Variants in ZNF385A observed in about 807,000 individuals in gnomAD.
ZNF385A encodes the protein hematopoietic zinc finger protein.
ZNF385A carries 14 observed loss-of-function variants against 32.1 expected under a neutral mutation model. The ratio of observed to expected loss-of-function variants is 0.44; its 90% CI spans 0.29 to 0.68. ZNF385A has a LOEUF of 0.68. Ranked by LOEUF, ZNF385A falls within the 30% of genes least tolerant of loss-of-function variation. The pLI is 0.14. For synonymous variants in ZNF385A, 197 were observed against 202.7 expected, an observed-to-expected ratio of 0.97 and a Z score of 0.24; for missense variants, 406 against 478.4, an observed-to-expected ratio of 0.85 and a Z score of 1.41.
At position 54,390,982 on chromosome 12, in the gene ZNF385A, G is replaced by A. The variant is rs543608348; in HGVS notation, c.10+253C>T. Reference sequence around the variant, plus strand: ...TGAATACGCAATGTTCTAATTATGGGGCGGGGGTCTCACTCCGCTCTGCCT... The same window carrying A: ...TGAATACGCAATGTTCTAATTATGGAGCGGGGGTCTCACTCCGCTCTGCCT... On this transcript the variant is annotated intron_variant, in intron 1 of 7. Transcript: ENST00000338010. 3.9e-5 allele frequency among the ~76,000 whole-genome samples: 6 copies of A among 152,220 alleles called. No individual in the cohort carries two copies. The South Asian group carries it at 1.0e-3, about 26-fold the overall frequency.
chr12:54,389,993 C>G (rs1007556213), intron 1 of ZNF385A, among the ~76,000 whole-genome samples: 2 of 151,924 alleles, frequency 1.3e-5, no homozygotes, highest in African/African-American at 4.8e-5. Flanking sequence ...GGAGGAAGGG[C>G]AGAAGGACAA....
chr12:54,385,663 C>T (rs551962635), upstream of ZNF385A: 2 of 985,528 alleles, frequency 2.0e-6, no homozygotes, highest in Non-Finnish European at 2.4e-6. Context: ...GACACCACCC[C>T]CTTTCATACC....
intron 1 of ZNF385A, chr12:54,379,122 G>A (rs1167695198): frequency 6.1e-6 from 6 of 981,580 alleles, no homozygotes; most frequent in Middle Eastern, 5.2e-4. Flanking sequence ...CCCGGGCTGG[G>A]GGGCCGCGCC....
chr12:54,382,787 A>T (rs1955260644), intron 1 of ZNF385A, among the ~76,000 whole-genome samples: 2 of 152,164 alleles, frequency 1.3e-5, no homozygotes, highest in Non-Finnish European at 2.9e-5. Context: ...TATCTGTAGA[A>T]CATTTTGGGC....
At chr12:54,386,173 G>GACACACACACACAC (rs57780822), upstream of ZNF385A, among the ~76,000 whole-genome samples, 33 of 138,126 alleles carry the variant, frequency 2.4e-4, no homozygotes, top group African/African-American at 8.8e-4. Context: ...GTGGAGAGAG[G>GACACACACACACAC]ACACACACAC....
intron 1 of ZNF385A, chr12:54,391,189 A>G: frequency 6.8e-7 from 1 of 1,471,858 alleles, no homozygotes. Context: ...TGACCCACAG[A>G]GAGGAACCCA....
intron 1 of ZNF385A, among the ~76,000 whole-genome samples, chr12:54,376,892 G>A (rs1457377164): frequency 6.6e-6 from 1 of 152,370 alleles, no homozygotes; most frequent in Non-Finnish European, 1.5e-5. Flanking sequence ...CAGCTAGGGA[G>A]AGGAAAGCCT....
Position 54,370,835 on chromosome 12 carries a change from C to T in ZNF385A, c.774+92G>A. ...CCCATCTGGCCCCCTGGGGAAAACT[C>T]TGAAGAAGGGCCTTTACTCAAGCTC... On this transcript the variant is annotated intron_variant, in intron 5 of 6. Coordinates refer to ENST00000394313, the MANE Select transcript of ZNF385A (RefSeq NM_015481.3). This position sits in a 1 kb window ranked among gnomAD's most constrained non-coding sequence, Gnocchi z 5.5. 1 of 1,604,258 alleles carries T rather than the reference C, an allele frequency of 6.2e-7. No homozygotes were observed. The highest frequency in any genetic ancestry group is 8.5e-7 in the Non-Finnish European group (1 of 1,175,002).
At chr12:54,391,065 G>A (rs1286695630) in intron 1 of ZNF385A, among the ~76,000 whole-genome samples, 2 of 152,192 alleles carry the variant, frequency 1.3e-5, no homozygotes, top group African/African-American at 4.8e-5. Context: ...AAGAGGGGAA[G>A]AGGGGAAGAG....
At chr12:54,378,874 G>A (rs1954978237) in intron 1 of ZNF385A, among the ~76,000 whole-genome samples, 1 of 152,152 alleles carries the variant, frequency 6.6e-6, no homozygotes, top group Non-Finnish European at 1.5e-5. Context: ...CAGTGTGGTG[G>A]CAGTAGTCTG....
At chr12:54,372,967 A>AG (rs1309927668) in intron 3 of ZNF385A, 1 of 180,374 alleles carries the variant, frequency 5.5e-6, no homozygotes, top group African/African-American at 2.4e-5. Flanking sequence ...TGAACCTGGG[A>AG]GGTGGAGGTT....
At chr12:54,382,895 G>C (rs905114238) in intron 1 of ZNF385A, among the ~76,000 whole-genome samples, 2 of 151,992 alleles carry the variant, frequency 1.3e-5, no homozygotes, top group Non-Finnish European at 2.9e-5. Context: ...GCCAGGCACG[G>C]TGGCTCAAGC....
upstream of ZNF385A, among the ~76,000 whole-genome samples, chr12:54,385,991 G>A (rs1955463221): frequency 6.6e-6 from 1 of 152,126 alleles, no homozygotes; most frequent in Non-Finnish European, 1.5e-5. Flanking sequence ...GCCAGGATGG[G>A]TGGTCAGGGT....
Position 54,370,898 on chromosome 12 carries a change from A to C in ZNF385A, c.774+29T>G. 1 of 1,614,122 alleles carries C rather than the reference A, an allele frequency of 6.2e-7. No homozygotes were observed. Among genetic ancestry groups the C allele is most frequent in the Non-Finnish European group, 8.5e-7 (1 of 1,179,988 alleles). Reference sequence around the variant, plus strand: ...CCCCACTTAGCGGGTGGAGCGTCCCAGAATTCCTGGGAAGGGCCTTAGACC... The same window carrying C: ...CCCCACTTAGCGGGTGGAGCGTCCCCGAATTCCTGGGAAGGGCCTTAGACC... On this transcript the variant is annotated intron_variant, in intron 5 of 6. Coordinates refer to ENST00000394313, the MANE Select transcript of ZNF385A (RefSeq NM_015481.3). This position sits in a 1 kb window ranked among gnomAD's most constrained non-coding sequence, Gnocchi z 5.5.
Position 54,370,707 on chromosome 12 carries a change from C to T in ZNF385A, c.789G>A (p.Arg263=), listed in dbSNP as rs921869628. 2 of 1,592,268 alleles carry T rather than the reference C, an allele frequency of 1.3e-6. No homozygotes were observed. The highest frequency in any genetic ancestry group is 1.7e-6 in the Non-Finnish European group (2 of 1,172,250). The change falls in exon 6 of 7, where the codon CGG becomes CGA. Residue 263 remains arginine, a synonymous_variant. Coordinates refer to ENST00000394313, the MANE Select transcript of ZNF385A (RefSeq NM_015481.3). This position sits in a 1 kb window ranked among gnomAD's most constrained non-coding sequence, Gnocchi z 5.5. The part of the protein sequence containing the change: ...EVQLKQHISS[R]RHRDGVAGKP... The stretch of plus-strand genomic sequence containing the variant: ...TCCCGGCCACGCCGTCTCGGTGCCG[C>T]CGGCTGGAGATGTGCTGCGGGGGCC...
At chr12:54,378,418 C>T (rs1565621879) in intron 1 of ZNF385A, among the ~76,000 whole-genome samples, 1 of 152,142 alleles carries the variant, frequency 6.6e-6, no homozygotes, top group Non-Finnish European at 1.5e-5. Context: ...CACCTGCCCT[C>T]CAACAGTAGA....
Position 54,369,972 on chromosome 12 carries a change from A to AG in ZNF385A, c.*283dup, listed in dbSNP as rs1213522693. The AG allele has an allele frequency of 5.5e-4, 183 of 330,468 alleles. 1 individual carries two copies. Among genetic ancestry groups the AG allele is most frequent in the Admixed American group, 5.0e-3 (105 of 20,916 alleles). 20.5% of individuals were successfully genotyped at this position (330,468 alleles called of 1,614,324 possible). A position where few individuals can be genotyped will look rare whatever the true frequency, so the allele number is the denominator to read the frequency against. On this transcript the variant is annotated 3_prime_UTR_variant, in exon 7 of 7. Coordinates refer to ENST00000394313, the MANE Select transcript of ZNF385A (RefSeq NM_015481.3). ...GGGCTGGATGGACATGGCTTTTGGG[A>AG]GGGGGGGTGTCTCCAAGGGGGCTCG...
At chr12:54,379,185 G>T in intron 1 of ZNF385A, 1 of 981,274 alleles carries the variant, frequency 1.0e-6, no homozygotes. Context: ...GGCGGCTCGG[G>T]GCTGTGCGGC....
chr12:54,374,046 G>A lies in ZNF385A; in HGVS notation c.288C>T (p.Gly96=), dbSNP rs759719267. The A allele has an allele frequency of 3.7e-6, 6 of 1,601,148 alleles. No homozygotes were observed. Among genetic ancestry groups the A allele is most frequent in the African/African-American group, 2.7e-5 (2 of 74,636 alleles). Residue 96 remains glycine, a synonymous_variant, in exon 3 of 7, where the codon GGC becomes GGT. Coordinates refer to ENST00000394313, the MANE Select transcript of ZNF385A (RefSeq NM_015481.3). Reference sequence around the variant, plus strand: ...GAGCTGGGTCTCCAGGTTCTCGGACGCCAGGCTCCCTGCCTCTGGTCTTGG... The same window carrying A: ...GAGCTGGGTCTCCAGGTTCTCGGACACCAGGCTCCCTGCCTCTGGTCTTGG... The part of the protein sequence containing the change: ...EAAKTRGREP[G]VREPGDPAPP...
Sources: allele counts gnomAD v4.1 joint callset (sites outside exome capture counted in the v4.1 genomes callset), GRCh38; gene constraint gnomAD v4.1.1; non-coding constraint Gnocchi (gnomAD v3.1); transcripts MANE v1.5; gene names NCBI Gene and HGNC (gene_info 2026-07-23, HGNC 2026-07-21).